SHISA9: variants seen among roughly 807,000 people sequenced by gnomAD.
SHISA9 encodes protein shisa-9.
A neutral mutation model predicts 38.0 loss-of-function variants in SHISA9; 13 were observed. The observed-to-expected ratio is 0.34, with a 90% confidence interval of 0.22 to 0.54. The LOEUF (loss-of-function observed/expected upper bound fraction) is 0.54, where lower values mean the gene tolerates loss of function less well. Among genes scored for constraint, SHISA9 ranks in the 20% least tolerant of loss-of-function variants. The pLI, the probability that SHISA9 is intolerant of heterozygous loss-of-function variation, is 0.91. For synonymous variants in SHISA9, 275 were observed against 242.0 expected (o/e 1.14, Z -1.27); for missense variants, 538 against 575.8 (o/e 0.93, Z 0.67).
the SHISA9 span, among the ~76,000 whole-genome samples, chr16:13,488,771 T>C: frequency 2.0e-5 from 3 of 152,226 alleles, no homozygotes; most frequent in Non-Finnish European, 2.9e-5. Flanking sequence ...TTTTAATTTT[T>C]ATTTTTTGGA....
At chr16:12,905,230 C>T (rs998723801) in intron 1 of SHISA9, among the ~76,000 whole-genome samples, 1 of 152,198 alleles carries the variant, frequency 6.6e-6, no homozygotes, top group African/African-American at 2.4e-5. Context: ...GCAAGAAAAT[C>T]ATGGCTCAGG....
chr16:13,292,049 G>A, the SHISA9 span, among the ~76,000 whole-genome samples: 1 of 151,508 alleles, frequency 6.6e-6, no homozygotes, highest in South Asian at 2.1e-4. Flanking sequence ...GCTTGAGTAG[G>A]ATTCCTCATG....
intron 2 of SHISA9, among the ~76,000 whole-genome samples, chr16:13,001,726 C>T (rs942723794): frequency 1.1e-4 from 17 of 151,856 alleles, no homozygotes; most frequent in Admixed American, 5.9e-4. Context: ...AATTTCATCT[C>T]GGAAGAAAAG....
chr16:12,987,979 T>C (rs1222906079), intron 2 of SHISA9, among the ~76,000 whole-genome samples: 1 of 152,214 alleles, frequency 6.6e-6, no homozygotes, highest in Non-Finnish European at 1.5e-5. Context: ...TTCCTATTCT[T>C]GGATACTAAG....
chr16:13,113,609 G>A (rs559515828), intron 2 of SHISA9, among the ~76,000 whole-genome samples: 17 of 152,274 alleles, frequency 1.1e-4, no homozygotes, highest in Admixed American at 3.3e-4. Flanking sequence ...TCATTATTGC[G>A]TCCAATACAA....
the SHISA9 span, among the ~76,000 whole-genome samples, chr16:13,371,686 GA>G: frequency 6.6e-6 from 1 of 152,190 alleles, no homozygotes; most frequent in Non-Finnish European, 1.5e-5. Context: ...CCTGACATCT[GA>G]ATACTTATTT....
At chr16:13,491,599 T>G in the SHISA9 span, among the ~76,000 whole-genome samples, 1 of 151,934 alleles carries the variant, frequency 6.6e-6, no homozygotes, top group East Asian at 1.9e-4. Flanking sequence ...GCAATTATTC[T>G]CACTCAGCCT....
intron 2 of SHISA9, among the ~76,000 whole-genome samples, chr16:13,006,476 GAC>G (rs1276766012): frequency 5.9e-5 from 9 of 152,186 alleles, no homozygotes; most frequent in Admixed American, 1.3e-4. Flanking sequence ...AGTGAAGCAA[GAC>G]ACAGAGACTC....
the SHISA9 span, among the ~76,000 whole-genome samples, chr16:13,257,211 C>G: frequency 4.9e-4 from 74 of 152,196 alleles, no homozygotes; most frequent in African/African-American, 1.7e-3. Context: ...GCTTTTCTTT[C>G]TAGCACTGTT....
At chr16:13,121,368 T>C (rs951110307) in intron 2 of SHISA9, among the ~76,000 whole-genome samples, 8 of 152,000 alleles carry the variant, frequency 5.3e-5, no homozygotes, top group Admixed American at 1.3e-4. Flanking sequence ...GATGTGTACC[T>C]GTGGTCCCAG....
chr16:13,428,187 T>C, the SHISA9 span, among the ~76,000 whole-genome samples: 1 of 85,346 alleles, frequency 1.2e-5, no homozygotes, highest in East Asian at 4.5e-4. Flanking sequence ...CCATATGGGA[T>C]TGTTTTTATT....
chr16:13,025,950 CAT>C (rs1209346629), intron 2 of SHISA9, among the ~76,000 whole-genome samples: 2 of 152,026 alleles, frequency 1.3e-5, no homozygotes, highest in African/African-American at 4.8e-5. Context: ...GGATTACAGG[CAT>C]GCACCACCAT....
At chr16:13,476,993 G>A in the SHISA9 span, among the ~76,000 whole-genome samples, 18 of 151,902 alleles carry the variant, frequency 1.2e-4, no homozygotes, top group Admixed American at 8.5e-4. Context: ...TTATCTGCCC[G>A]CCTCGGCCTC....
At chr16:13,256,808 G>A in the SHISA9 span, among the ~76,000 whole-genome samples, 3 of 152,170 alleles carry the variant, frequency 2.0e-5, no homozygotes, top group Non-Finnish European at 4.4e-5. Flanking sequence ...GGGTTATTGA[G>A]GACAAGAATA....
At chr16:13,283,416 G>A in the SHISA9 span, among the ~76,000 whole-genome samples, 4 of 152,184 alleles carry the variant, frequency 2.6e-5, no homozygotes, top group African/African-American at 7.2e-5. Context: ...TAATTCTAAA[G>A]GAAAGTGGTT....
chr16:13,316,025 A>G, the SHISA9 span, among the ~76,000 whole-genome samples: 67 of 151,578 alleles, frequency 4.4e-4, no homozygotes, highest in Admixed American at 2.2e-3. Flanking sequence ...TAAAAAAAAA[A>G]AGAGAGAGAG....
the SHISA9 span, among the ~76,000 whole-genome samples, chr16:13,551,845 G>T: frequency 4.6e-5 from 7 of 152,274 alleles, no homozygotes; most frequent in South Asian, 1.5e-3. Context: ...TGGCCAGCAT[G>T]GTGAAACCCC....
the SHISA9 span, among the ~76,000 whole-genome samples, chr16:13,444,955 A>G: frequency 7.2e-6 from 1 of 138,634 alleles, no homozygotes; most frequent in East Asian, 2.2e-4. Context: ...GAGAGCTGGG[A>G]CCATGGGCAC....
chr16:13,113,958 C>T (rs937475043), intron 2 of SHISA9, among the ~76,000 whole-genome samples: 18 of 152,206 alleles, frequency 1.2e-4, no homozygotes, highest in Admixed American at 7.8e-4. Flanking sequence ...TTCAGCAAAG[C>T]GCTTACCATG....
Sources: allele counts gnomAD v4.1 joint callset (sites outside exome capture counted in the v4.1 genomes callset), GRCh38; gene constraint gnomAD v4.1.1; transcripts MANE v1.5; gene names NCBI Gene and HGNC (gene_info 2026-07-23, HGNC 2026-07-21).